PDGFD: variants seen among roughly 807,000 people sequenced by gnomAD.
PDGFD encodes the protein platelet derived growth factor D, also known as platelet-derived growth factor D.
PDGFD carries 30 observed loss-of-function variants against 44.7 expected under a neutral mutation model. That is an observed-to-expected ratio of 0.67 (90% CI 0.50 to 0.91). The LOEUF (loss-of-function observed/expected upper bound fraction) is 0.91, where lower values mean the gene tolerates loss of function less well. PDGFD is among the 40% of genes least tolerant of loss of function. PDGFD has a pLI of 0.00. For missense variants in PDGFD, 445 were observed against 457.8 expected, an observed-to-expected ratio of 0.97 and a Z score of 0.25; for synonymous variants, 173 against 168.4, an observed-to-expected ratio of 1.03 and a Z score of -0.21.
At chr11:104,068,165 T>C (rs1860819782) in intron 1 of PDGFD, among the ~76,000 whole-genome samples, 1 of 152,190 alleles carries the variant, frequency 6.6e-6, no homozygotes, top group Non-Finnish European at 1.5e-5. Flanking sequence ...TTAGGTTATC[T>C]TGTTAAACCA....
intron 1 of PDGFD, among the ~76,000 whole-genome samples, chr11:104,004,198 G>C (rs1199615542): frequency 6.6e-6 from 1 of 152,104 alleles, no homozygotes; most frequent in African/African-American, 2.4e-5. Flanking sequence ...AGAAGGGGTG[G>C]GGAGAGGGGC....
At chr11:104,017,466 T>C (rs1466771488) in intron 1 of PDGFD, among the ~76,000 whole-genome samples, 4 of 152,200 alleles carry the variant, frequency 2.6e-5, no homozygotes, top group African/African-American at 4.8e-5. Flanking sequence ...TTAGTCTCTA[T>C]CTACTTTCTC....
chr11:104,006,434 C>T (rs1859702565), intron 1 of PDGFD, among the ~76,000 whole-genome samples: 1 of 152,190 alleles, frequency 6.6e-6, no homozygotes, highest in African/African-American at 2.4e-5. Context: ...TGACTGACAA[C>T]CTGTTGATAT....
intron 6 of PDGFD, among the ~76,000 whole-genome samples, chr11:103,921,496 A>G (rs1858219051): frequency 6.6e-6 from 1 of 152,138 alleles, no homozygotes; most frequent in Non-Finnish European, 1.5e-5. Context: ...GTATAAATAC[A>G]GATGCTCGTT....
At chr11:103,993,587 T>C (rs980900850) in intron 3 of PDGFD, among the ~76,000 whole-genome samples, 1 of 152,086 alleles carries the variant, frequency 6.6e-6, no homozygotes, top group Non-Finnish European at 1.5e-5. Context: ...GTCTCTTAAG[T>C]TTATAAACCC....
chr11:103,971,028 G>T (rs1374372989), intron 3 of PDGFD, among the ~76,000 whole-genome samples: 2 of 152,114 alleles, frequency 1.3e-5, no homozygotes, highest in African/African-American at 4.8e-5. Context: ...ATTCACTTGA[G>T]CTTTCCACTT....
intron 3 of PDGFD, among the ~76,000 whole-genome samples, chr11:103,964,939 T>A (rs567250573): frequency 6.6e-6 from 1 of 151,698 alleles, no homozygotes; most frequent in East Asian, 1.9e-4. Flanking sequence ...TTTAAAAAGA[T>A]GGAAGTAGTC....
intron 3 of PDGFD, among the ~76,000 whole-genome samples, chr11:103,952,172 C>T (rs1858769487): frequency 6.6e-6 from 1 of 152,166 alleles, no homozygotes; most frequent in African/African-American, 2.4e-5. Flanking sequence ...GCAAAACAAA[C>T]TCCTTTTTGT....
chr11:104,129,493 T>G (rs958708527), intron 1 of PDGFD, among the ~76,000 whole-genome samples: 5 of 152,124 alleles, frequency 3.3e-5, no homozygotes, highest in African/African-American at 1.2e-4. Context: ...TCTTTTTCAT[T>G]TGTAACACAG....
At chr11:103,918,152 G>A (rs1262953760) in intron 6 of PDGFD, among the ~76,000 whole-genome samples, 1 of 152,130 alleles carries the variant, frequency 6.6e-6, no homozygotes. Flanking sequence ...AGTTCTTTAG[G>A]GAGACAAAGT....
intron 4 of PDGFD, chr11:103,945,493 C>G (rs769157576): frequency 1.3e-5 from 2 of 152,182 alleles, no homozygotes; most frequent in African/African-American, 2.4e-5. Flanking sequence ...TTACAAGCAG[C>G]CTTGTGTCAC....
chr11:104,047,012 T>C (rs760079176), intron 1 of PDGFD, among the ~76,000 whole-genome samples: 1 of 146,900 alleles, frequency 6.8e-6, no homozygotes, highest in Non-Finnish European at 1.5e-5. Flanking sequence ...GTTCCTGTGA[T>C]AGTTTGCTAA....
intron 1 of PDGFD, among the ~76,000 whole-genome samples, chr11:104,125,920 C>T (rs1201902899): frequency 1.3e-5 from 2 of 152,162 alleles, no homozygotes; most frequent in East Asian, 3.9e-4. Context: ...ACTAGAATAA[C>T]AGTGACATCG....
chr11:104,120,654 C>G (rs1861765443), intron 1 of PDGFD, among the ~76,000 whole-genome samples: 1 of 151,892 alleles, frequency 6.6e-6, no homozygotes, highest in African/African-American at 2.4e-5. Context: ...GGCACAATAT[C>G]TTCCCATTCT....
At position 103,908,936 on chromosome 11, in the gene PDGFD, C is replaced by A. The variant is rs1042241375; in HGVS notation, c.*758G>T. The A allele has an allele frequency of 2.6e-5, 4 of 152,070 alleles. No individual in the cohort carries two copies. Among genetic ancestry groups the A allele is most frequent in the Non-Finnish European group, 4.4e-5 (3 of 68,006 alleles). 9.4% of individuals were successfully genotyped at this position (152,070 alleles called of 1,614,324 possible). ...CTTTTGTAGGACTATAATAAAAAAC[C>A]TTCTAAGTAAGTTTTTGAGATAGGT... On this transcript the variant is annotated 3_prime_UTR_variant, in exon 7 of 7. Transcript: ENST00000393158.
At chr11:104,067,898 T>C (rs900812789) in intron 1 of PDGFD, among the ~76,000 whole-genome samples, 1 of 152,172 alleles carries the variant, frequency 6.6e-6, no homozygotes, top group Non-Finnish European at 1.5e-5. Context: ...AAAACACTTT[T>C]GCTTTATTTC....
chr11:104,122,517 C>T (rs550191135), intron 1 of PDGFD, among the ~76,000 whole-genome samples: 6 of 152,112 alleles, frequency 3.9e-5, no homozygotes, highest in African/African-American at 1.2e-4. Context: ...GCAGAACCAG[C>T]AACCCATTTC....
chr11:104,011,783 G>C (rs1276061750), intron 1 of PDGFD, among the ~76,000 whole-genome samples: 1 of 152,002 alleles, frequency 6.6e-6, no homozygotes, highest in East Asian at 1.9e-4. Context: ...GAAGATAAAT[G>C]AGTATGGAAA....
intron 1 of PDGFD, among the ~76,000 whole-genome samples, chr11:104,008,990 C>T (rs1204070788): frequency 6.6e-6 from 1 of 151,676 alleles, no homozygotes; most frequent in Non-Finnish European, 1.5e-5. Flanking sequence ...TGTAAAATGC[C>T]CCAAATATTT....
Sources: gnomAD v4.1 joint callset for allele counts (sites outside exome capture counted in the v4.1 genomes callset) on GRCh38, gnomAD v4.1.1 for gene constraint, MANE v1.5 for transcripts, NCBI Gene and HGNC (gene_info 2026-07-23, HGNC 2026-07-21) for gene names.